The following MFSD12 variants were observed in gnomAD, a reference collection of about 807,000 sequenced individuals.
MFSD12 encodes the protein major facilitator superfamily domain-containing protein 12.
A neutral mutation model predicts 51.2 loss-of-function variants in MFSD12; 67 were observed. That is an observed-to-expected ratio of 1.31 (90% confidence interval 1.08 to 1.60). MFSD12 has a LOEUF of 1.60. MFSD12 is among the 40% of genes most tolerant of loss of function. MFSD12 has a pLI of 0.00. For missense variants in MFSD12, 921 were observed against 673.0 expected (o/e 1.37, Z -4.08); for synonymous variants, 441 against 316.7 (o/e 1.39, Z -4.17).
chr19:3,551,270 G>T lies in MFSD12; in HGVS notation c.299-76C>A. 8.3e-7 allele frequency: 1 copy of T among 1,211,572 alleles called. No individual in the cohort carries two copies. The highest frequency in any genetic ancestry group is 1.1e-6 in the Non-Finnish European group (1 of 875,160). The allele number at this position is 1,211,572 out of a possible 1,614,324, so 75.1% of individuals were successfully genotyped here. A position where few individuals can be genotyped will look rare whatever the true frequency, so the allele number is the denominator to read the frequency against. ...CTCCCAGGGTGAGGACATGGAGGGA[G>T]GAGAGAGGGAAACTGAGGCACAGAT... is the stretch of plus-strand genomic sequence containing the variant. On this transcript the variant is annotated intron_variant, in intron 1 of 9. Transcript: ENST00000355415. The surrounding 1 kb of genome is among the most constrained non-coding windows in gnomAD (Gnocchi z 4.6).
In MFSD12 at chr19:3,546,336, CG is replaced by C; in HGVS notation, c.1112del (p.Ala371GlyfsTer19). On this transcript the variant is annotated frameshift_variant, in exon 7 of 10. Coordinates refer to ENST00000355415, the MANE Select transcript of MFSD12 (RefSeq NM_174983.5). LOFTEE classifies it high-confidence loss of function. ...AEGLGVAVYA[A>X]AVLLGAGCAT... ...CACAGCCAGCACCCAGCAGCACAGC[CG>C]CTGCGTACACGGCCACACCCAGTCC... 2.5e-6 allele frequency: 4 copies of C among 1,608,190 alleles called. No individual in the cohort carries two copies. Among genetic ancestry groups the C allele is most frequent in the Non-Finnish European group, 3.4e-6 (4 of 1,178,098 alleles).
At chr19:3,541,842 T>G (rs79663522), downstream of MFSD12, 2,913 of 963,956 alleles carry the variant, frequency 3.0e-3, 65 homozygotes, top group African/African-American at 0.047. Context: ...AGAGTCTCGC[T>G]CTCTCACCCA....
At chr19:3,549,723 CA>C (rs5826823) in intron 2 of MFSD12, among the ~76,000 whole-genome samples, 47,785 of 87,296 alleles carry the variant, frequency 0.55, 11,062 homozygotes, top group Non-Finnish European at 0.61. Flanking sequence ...ACTCTTGTCT[CA>C]AAAAAAAAAA....
chr19:3,546,709 G>A lies in MFSD12; in HGVS notation c.1024-284C>T, dbSNP rs1420875687. Among the ~76,000 whole-genome samples the A allele has an allele frequency of 9.8e-5, 15 of 152,326 alleles. 1 individual carries two copies. Among genetic ancestry groups the A allele is most frequent in the Admixed American group, 1.3e-4 (2 of 15,296 alleles). On this transcript the variant is annotated intron_variant, in intron 6 of 9. Coordinates refer to ENST00000355415, the MANE Select transcript of MFSD12 (RefSeq NM_174983.5). The stretch of plus-strand genomic sequence containing the variant: ...ACGACGGACTCGGCTCAGTCCCCAC[G>A]GCCACATTTCAAGCCCTCAGTAGCT...
chr19:3,538,559 TCTCA>T (rs768986534), exon 5 of MFSD12: 131 of 397,788 alleles, frequency 3.3e-4, no homozygotes, highest in Non-Finnish European at 5.6e-4. Flanking sequence ...GTCTGGTGTC[TCTCA>T]CTGAGCGTGA....
At chr19:3,555,915 G>A (rs926271006) in intron 1 of MFSD12, among the ~76,000 whole-genome samples, 7 of 152,210 alleles carry the variant, frequency 4.6e-5, no homozygotes, top group African/African-American at 1.4e-4. Context: ...GAGGAGGGCC[G>A]CTGGGAGGCA....
At chr19:3,552,939 C>T (rs754329298) in intron 1 of MFSD12, among the ~76,000 whole-genome samples, 2 of 152,182 alleles carry the variant, frequency 1.3e-5, no homozygotes, top group Non-Finnish European at 2.9e-5. Context: ...TCCTCTCCTC[C>T]CAGCCTGGGG....
Position 3,547,996 on chromosome 19 carries a change from A to ACGGCGC in MFSD12, c.683_688dup (p.Gly228_Ala229dup). On this transcript the variant is annotated inframe_insertion, in exon 4 of 10. Transcript: ENST00000355415. ...GCCCAGGTGGAATAGCAGTGAGAAC[A>ACGGCGC]CGGCGCCGACACCCACCACCAGCAG... 1 of 1,598,742 alleles carries ACGGCGC rather than the reference A, an allele frequency of 6.3e-7. No individual in the cohort carries two copies. The highest frequency in any genetic ancestry group is 8.5e-7 in the Non-Finnish European group (1 of 1,179,282).
At chr19:3,538,737 C>T (rs956084786) in exon 5 of MFSD12, 4 of 482,030 alleles carry the variant, frequency 8.3e-6, no homozygotes, top group Non-Finnish European at 1.7e-5. Flanking sequence ...TGCTGTGAGC[C>T]ACTGCGTGCA....
chr19:3,542,269 C>T (rs2030482273), downstream of MFSD12: 2 of 985,282 alleles, frequency 2.0e-6, no homozygotes, highest in Non-Finnish European at 1.2e-6. Flanking sequence ...AGGCTACTCC[C>T]ATGTTCTGTG....
chr19:3,544,121 C>G (rs753059469), downstream of MFSD12: 11 of 1,417,464 alleles, frequency 7.8e-6, no homozygotes, highest in Admixed American at 5.9e-5. Context: ...GCTCGCTGGC[C>G]GCCCACAACC....
chr19:3,542,494 G>A (rs969850854), downstream of MFSD12: 53 of 981,532 alleles, frequency 5.4e-5, no homozygotes, highest in Non-Finnish European at 5.9e-5. Context: ...TTGTTTTTGA[G>A]ACAGAGTCTC....
chr19:3,545,866 T>G (rs955614963), intron 8 of MFSD12, among the ~76,000 whole-genome samples: 8 of 152,206 alleles, frequency 5.3e-5, no homozygotes, highest in Non-Finnish European at 1.2e-4. Flanking sequence ...TCTTCAGCAC[T>G]GCACACATGG....
Position 3,544,433 on chromosome 19 carries a change from C to A in MFSD12, c.*277G>T. The A allele has an allele frequency of 1.5e-6, 2 of 1,336,546 alleles. No individual in the cohort carries two copies. Among genetic ancestry groups the A allele is most frequent in the South Asian group, 4.4e-5 (2 of 45,376 alleles). The allele number at this position is 1,336,546 out of a possible 1,614,324, so 82.8% of individuals were successfully genotyped here. Reference sequence around the variant, plus strand: ...CCAGACCCTTCTGGGATTCCTACTTCCTGTTCCCTGCCGAGAGGGGCACCC... The same window carrying A: ...CCAGACCCTTCTGGGATTCCTACTTACTGTTCCCTGCCGAGAGGGGCACCC... On this transcript the variant is annotated 3_prime_UTR_variant, in exon 10 of 10. Coordinates refer to ENST00000355415, the MANE Select transcript of MFSD12 (RefSeq NM_174983.5).
chr19:3,542,469 G>A, downstream of MFSD12: 1 of 985,164 alleles, frequency 1.0e-6, no homozygotes, highest in Non-Finnish European at 1.2e-6. Flanking sequence ...AAACATCTTT[G>A]AGTCTCTTGT....
intron 2 of MFSD12, among the ~76,000 whole-genome samples, chr19:3,548,991 G>A (rs982899734): frequency 4.6e-5 from 7 of 152,222 alleles, no homozygotes; most frequent in African/African-American, 7.2e-5. Context: ...ACACGAAGGC[G>A]CTGTGAGGAC....
intron 8 of MFSD12, among the ~76,000 whole-genome samples, chr19:3,545,451 A>G (rs2030924285): frequency 6.6e-6 from 1 of 151,990 alleles, no homozygotes; most frequent in Non-Finnish European, 1.5e-5. Flanking sequence ...TTCCAACACA[A>G]CATGCCAGGT....
chr19:3,551,214 C>A lies in MFSD12; in HGVS notation c.299-20G>T. The A allele has an allele frequency of 6.4e-7, 1 of 1,569,600 alleles. No individual in the cohort carries two copies. The highest frequency in any genetic ancestry group is 1.2e-5 in the South Asian group (1 of 85,640). On this transcript the variant is annotated intron_variant, in intron 1 of 9. Coordinates refer to ENST00000355415, the MANE Select transcript of MFSD12 (RefSeq NM_174983.5). The surrounding 1 kb of genome is among the most constrained non-coding windows in gnomAD (Gnocchi z 4.6). ...CGGTGCCTGTGGAAGGCAGAGTGGT[C>A]AGTCGCGGGGCTGTCCCGCACCAGC...
Position 3,551,305 on chromosome 19 carries a change from C to T in MFSD12, c.299-111G>A. ...AAACTGAGGCACAGATGGAGACGCC[C>T]CCCGCATGCACACAGTCACGCAGGA... On this transcript the variant is annotated intron_variant, in intron 1 of 9. Transcript: ENST00000355415. The surrounding 1 kb of genome is among the most constrained non-coding windows in gnomAD (Gnocchi z 4.6). The T allele has an allele frequency of 1.2e-6, 1 of 830,006 alleles. No homozygotes were observed. The highest frequency in any genetic ancestry group is 1.8e-6 in the Non-Finnish European group (1 of 541,218). The allele number at this position is 830,006 out of a possible 1,614,324, so 51.4% of individuals were successfully genotyped here. A position where few individuals can be genotyped will look rare whatever the true frequency, so the allele number is the denominator to read the frequency against.
Sources: gnomAD v4.1 joint callset for allele counts (sites outside exome capture counted in the v4.1 genomes callset) on GRCh38, gnomAD v4.1.1 for gene constraint, Gnocchi (gnomAD v3.1) non-coding constraint, MANE v1.5 for transcripts, NCBI Gene and HGNC (gene_info 2026-07-23, HGNC 2026-07-21) for gene names.